Variants in PLA2G4B observed in about 807,000 individuals in gnomAD.
The protein encoded by PLA2G4B is phospholipase A2 group IVB, also known as cytosolic phospholipase A2 beta.
In PLA2G4B, 122 loss-of-function variants were observed where a neutral mutation model predicts 95.8. The ratio of observed to expected loss-of-function variants is 1.27; its 90% CI spans 1.10 to 1.48. PLA2G4B has a LOEUF of 1.48. Ranked by LOEUF, PLA2G4B falls within the 40% of genes most tolerant of loss-of-function variation. PLA2G4B has a pLI of 0.00. For synonymous variants in PLA2G4B, 518 were observed against 421.5 expected, an observed-to-expected ratio of 1.23 and a Z score of -2.80; for missense variants, 1,158 against 996.2, an observed-to-expected ratio of 1.16 and a Z score of -2.19.
rs748880851 is a variant in PLA2G4B at position 41,847,747 on chromosome 15, G to A, written c.2233G>A (p.Asp745Asn). The change falls in exon 20 of 20, where the codon GAC becomes AAC. Residue 745 changes from aspartate (D) to asparagine (N), a missense_variant. Physicochemically the swap from Asp to Asn is conservative, Grantham distance 23 (BLOSUM62 1). Coordinates refer to ENST00000458483, the MANE Select transcript of PLA2G4B (RefSeq NM_001114633.2). ...HYTKVTYSQE[D>N]VDKLLHLTHY... ...CACGAAGGTGACCTACAGCCAGGAG[G>A]ACGTGGACAAGCTGCTGCACCTGAC... is the stretch of plus-strand genomic sequence containing the variant. 5 of 1,610,442 alleles carry A rather than the reference G, an allele frequency of 3.1e-6. No homozygotes were observed. The African/African-American group carries it at 5.6e-5, about 18-fold the overall frequency.
chr15:41,843,650 TCA>T (rs2065477363), intron 10 of PLA2G4B, 24 bp from the exon 11 acceptor site: 4 of 1,610,090 alleles, frequency 2.5e-6, no homozygotes, highest in Middle Eastern at 1.6e-4. Flanking sequence ...GAGAGCTGTC[TCA>T]CAGTCTCTTC....
At chr15:41,845,414 C>G (rs1051132705) in intron 14 of PLA2G4B, 94 bp downstream of exon 14, 1 of 1,503,258 alleles carries the variant, frequency 6.7e-7, no homozygotes, top group Non-Finnish European at 9.0e-7. Context: ...TCACACCCAC[C>G]TCTCCTGAGC....
At position 41,840,420 on chromosome 15, in the gene PLA2G4B, C is replaced by T. The variant is rs1168464697; in HGVS notation, c.83-104C>T. 1.0e-5 allele frequency: 16 copies of T among 1,598,572 alleles called. No individual in the cohort carries two copies. The Admixed American group carries it at 1.2e-4, about 12-fold the overall frequency. On this transcript the variant is annotated intron_variant, in intron 2 of 19. Transcript: ENST00000458483. Reference sequence around the variant, plus strand: ...TGCCTCTGGCCCCCACTTCCCCTCCCCCTCAGTCTTAACCCACATGGGGCT... The same window carrying T: ...TGCCTCTGGCCCCCACTTCCCCTCCTCCTCAGTCTTAACCCACATGGGGCT...
At chr15:41,847,205 G>A (rs2065575787) in intron 18 of PLA2G4B, 132 bp from the exon 19 acceptor site, 3 of 1,386,178 alleles carry the variant, frequency 2.2e-6, no homozygotes, top group Admixed American at 4.8e-5. Context: ...TTTTTCCAAC[G>A]ACTGGCTTCA....
rs774309370 is a variant in PLA2G4B at position 41,841,962 on chromosome 15, G to A, written c.621+13G>A. The A allele has an allele frequency of 1.4e-5, 22 of 1,605,866 alleles. No individual in the cohort carries two copies. The African/African-American group carries it at 2.1e-4, about 16-fold the overall frequency. On this transcript the variant is annotated intron_variant, in intron 8 of 19. Coordinates refer to ENST00000458483, the MANE Select transcript of PLA2G4B (RefSeq NM_001114633.2). Reference sequence around the variant, plus strand: ...TATTCGCCTGCAGGTAGTGTGCCTCGCTCCCTCGAGGTGGGGCCCCCAGAA... The same window carrying A: ...TATTCGCCTGCAGGTAGTGTGCCTCACTCCCTCGAGGTGGGGCCCCCAGAA...
Position 41,847,711 on chromosome 15 carries a change from C to T in PLA2G4B, c.2197C>T (p.Pro733Ser). Residue 733 changes from proline to serine, a missense_variant, in exon 20 of 20, where the codon CCC (proline) becomes TCC (serine). By Grantham distance (74) the Pro-to-Ser change is moderately conservative. Coordinates refer to ENST00000458483, the MANE Select transcript of PLA2G4B (RefSeq NM_001114633.2). ...GEVNLSSSDSPYHYTKVTYSQ... is the reference protein window; with the variant it reads ...GEVNLSSSDSSYHYTKVTYSQ... ...GGTGAACCTGTCTTCATCGGACTCTCCCTACCACTACACGAAGGTGACCTA... is the reference window on the plus strand; with the variant it reads ...GGTGAACCTGTCTTCATCGGACTCTTCCTACCACTACACGAAGGTGACCTA... The T allele has an allele frequency of 1.9e-6, 3 of 1,613,708 alleles. No homozygotes were observed. Among genetic ancestry groups the T allele is most frequent in the Middle Eastern group, 1.6e-4 (1 of 6,062 alleles).
rs140382656 is a variant in PLA2G4B, at chr15:41,845,715, G to T, written c.1435G>T (p.Glu479Ter). The change falls in exon 15 of 20, where the codon GAG becomes TAG. Residue 479 changes from glutamate to a stop codon, truncating the protein, a stop_gained. Coordinates refer to ENST00000458483, the MANE Select transcript of PLA2G4B (RefSeq NM_001114633.2). LOFTEE classifies it high-confidence loss of function. ...CATCCCCTCTGAGCTCTTTGGCTCCGAGTTCTTTATGGGGCAGCTGATGAA... is the reference window on the plus strand; with the variant it reads ...CATCCCCTCTGAGCTCTTTGGCTCCTAGTTCTTTATGGGGCAGCTGATGAA... Reference protein sequence around the residue: ...AFIPSELFGSEFFMGQLMKRL... With the variant: ...AFIPSELFGS The T allele has an allele frequency of 1.2e-6, 2 of 1,612,988 alleles. No homozygotes were observed. The highest frequency in any genetic ancestry group is 1.3e-5 in the African/African-American group (1 of 74,850).
chr15:41,845,079 G>A lies in PLA2G4B; in HGVS notation c.1239+9G>A, dbSNP rs1301654530. 6.3e-7 allele frequency: 1 copy of A among 1,596,178 alleles called. No individual in the cohort carries two copies. The highest frequency in any genetic ancestry group is 8.5e-7 in the Non-Finnish European group (1 of 1,169,760). ...CGCTGCTGCATGATGAGGTGCGGGG[G>A]CTGCGGCCTGGGGGCAGAGCCAGGG... On this transcript the variant is annotated intron_variant, in intron 13 of 19. Transcript: ENST00000458483.
chr15:41,843,643 A>T, intron 10 of PLA2G4B, 33 bp from the exon 11 acceptor site: 1 of 1,605,456 alleles, frequency 6.2e-7, no homozygotes. Context: ...GAGGGTTGAG[A>T]GCTGTCTCAC....
In PLA2G4B at chr15:41,845,252, A is replaced by C; in HGVS notation, c.1289A>C (p.Gln430Pro). The C allele has an allele frequency of 6.2e-7, 1 of 1,614,216 alleles. No homozygotes were observed. Among genetic ancestry groups the C allele is most frequent in the South Asian group, 1.1e-5 (1 of 91,082 alleles). The stretch of plus-strand genomic sequence containing the variant: ...CAACGGGAGGCCCTGAGTCATGGCC[A>C]GAACCCTCTGCCCATCTACTGTGCC... ...SDQREALSHG[Q>P]NPLPIYCALN... Residue 430 changes from glutamine to proline, a missense_variant, in exon 14 of 20, where the codon CAG becomes CCG. Transcript: ENST00000458483.
Position 41,844,454 on chromosome 15 carries a change from G to A in PLA2G4B, c.880-17G>A, listed in dbSNP as rs941052344. The A allele has an allele frequency of 6.8e-6, 11 of 1,613,864 alleles. No individual in the cohort carries two copies. The highest frequency in any genetic ancestry group is 6.7e-5 in the Admixed American group (4 of 60,008). On this transcript the variant is annotated splice_polypyrimidine_tract_variant and intron_variant, in intron 11 of 19. Coordinates refer to ENST00000458483, the MANE Select transcript of PLA2G4B (RefSeq NM_001114633.2). The stretch of plus-strand genomic sequence containing the variant: ...CATCCCTAGGGCCTCTACAGGCCTG[G>A]CTCTCTTCTTTTCCAGATCCCAGTG...
intron 12 of PLA2G4B, 98 bp from the exon 13 acceptor site, chr15:41,844,750 T>A: frequency 6.5e-7 from 1 of 1,541,166 alleles, no homozygotes; most frequent in Non-Finnish European, 8.8e-7. Flanking sequence ...CCTGGGAAGG[T>A]CCCTGCCAGG....
In PLA2G4B at chr15:41,845,332, A is replaced by G; in HGVS notation, c.1357+12A>G. On this transcript the variant is annotated intron_variant, in intron 14 of 19. Coordinates refer to ENST00000458483, the MANE Select transcript of PLA2G4B (RefSeq NM_001114633.2). ...TTTTGAATTTGGGGGTGAGTGGCCCAAGAGCTGAGACCTGTGCCCTTGCAG... is the reference window on the plus strand; with the variant it reads ...TTTTGAATTTGGGGGTGAGTGGCCCGAGAGCTGAGACCTGTGCCCTTGCAG... The G allele has an allele frequency of 6.2e-7, 1 of 1,613,178 alleles. No individual in the cohort carries two copies. Among genetic ancestry groups the G allele is most frequent in the Non-Finnish European group, 8.5e-7 (1 of 1,179,526 alleles).
chr15:41,845,975 C>A lies in PLA2G4B; in HGVS notation c.1528C>A (p.Gln510Lys). ...IWSNLYAANL[Q>K]DSLYWASEPS... is the part of the protein sequence containing the mutation. Reference sequence around the variant, plus strand: ...GAGCAACCTGTATGCAGCCAACCTCCAGGACAGCTTATACTGGGCCTCAGA... The same window carrying A: ...GAGCAACCTGTATGCAGCCAACCTCAAGGACAGCTTATACTGGGCCTCAGA... The change falls in exon 16 of 20, where the codon CAG (glutamine) becomes AAG (lysine). Residue 510 changes from glutamine to lysine, a missense_variant. Gln to Lys is a moderately conservative substitution (Grantham distance 53). Coordinates refer to ENST00000458483, the MANE Select transcript of PLA2G4B (RefSeq NM_001114633.2). 1 of 1,519,154 alleles carries A rather than the reference C, an allele frequency of 6.6e-7. No homozygotes were observed. Among genetic ancestry groups the A allele is most frequent in the Non-Finnish European group, 8.8e-7 (1 of 1,134,744 alleles). 94.1% of individuals were successfully genotyped at this position (1,519,154 alleles called of 1,614,324 possible). A position where few individuals can be genotyped will look rare whatever the true frequency, so the allele number is the denominator to read the frequency against.
In PLA2G4B at chr15:41,847,415, CTCCAG is replaced by C; in HGVS notation, c.2027_2031del (p.Leu676ProfsTer122). 1 of 1,613,376 alleles carries C rather than the reference CTCCAG, an allele frequency of 6.2e-7. No individual in the cohort carries two copies. Among genetic ancestry groups the C allele is most frequent in the Middle Eastern group, 1.6e-4 (1 of 6,062 alleles). The stretch of plus-strand genomic sequence containing the variant: ...CATCTCGCCCAGCCCCGAAGAGCAG[CTCCAG>C]CCTCGGGAGTGCCACACCTTCTCCG... On this transcript the variant is annotated frameshift_variant, in exon 19 of 20. Coordinates refer to ENST00000458483, the MANE Select transcript of PLA2G4B (RefSeq NM_001114633.2). LOFTEE classifies it high-confidence loss of function.
At chr15:41,840,408 C>T (rs2065405092) in intron 2 of PLA2G4B, 116 bp from the exon 3 acceptor site, 3 of 1,590,056 alleles carry the variant, frequency 1.9e-6, no homozygotes, top group African/African-American at 1.3e-5. Flanking sequence ...CTCTGGCCCC[C>T]ACTTCCCCTC....
chr15:41,841,363 GCCTGGGGAC>G, intron 6 of PLA2G4B, 90 bp downstream of exon 6: 1 of 1,609,780 alleles, frequency 6.2e-7, no homozygotes, highest in Non-Finnish European at 8.5e-7. Flanking sequence ...CGCTGCCTCA[GCCTGGGGAC>G]CCTGGGATTT....
At chr15:41,839,946 C>T (rs146106461) in intron 1 of PLA2G4B, 2 of 595,512 alleles carry the variant, frequency 3.4e-6, no homozygotes, top group East Asian at 2.8e-5. Flanking sequence ...AAGCCCTTGG[C>T]CCAGAGCCGG....
At position 41,847,146 on chromosome 15, in the gene PLA2G4B, G is replaced by A. The variant is rs111731274; in HGVS notation, c.1948-191G>A. Among the ~76,000 whole-genome samples, 698 of 152,258 alleles carry A rather than the reference G, an allele frequency of 4.6e-3. 7 individuals are homozygous for A. Among genetic ancestry groups the A allele is most frequent in the African/African-American group, 0.016 (660 of 41,528 alleles). ...GGAATGCTGGGAGTAACCCGGCTCC[G>A]TCTAGCCCCAGAGGAGCTGCCACCG... is the stretch of plus-strand genomic sequence containing the variant. On this transcript the variant is annotated intron_variant, in intron 18 of 19. Coordinates refer to ENST00000458483, the MANE Select transcript of PLA2G4B (RefSeq NM_001114633.2).
Sources: gnomAD v4.1 joint callset for allele counts (sites outside exome capture counted in the v4.1 genomes callset) on GRCh38, gnomAD v4.1.1 for gene constraint, MANE v1.5 for transcripts, NCBI Gene and HGNC (gene_info 2026-07-23, HGNC 2026-07-21) for gene names.